Variants in ZBTB20 observed in about 807,000 individuals in gnomAD.
The protein encoded by ZBTB20 is zinc finger and BTB domain-containing protein 20.
In ZBTB20, 9 loss-of-function variants were observed where a neutral mutation model predicts 56.9. The ratio of observed to expected loss-of-function variants is 0.16; its 90% CI spans 0.10 to 0.28. ZBTB20 has a LOEUF of 0.28. Ranked by LOEUF, ZBTB20 falls within the 10% of genes least tolerant of loss-of-function variation. The pLI, the probability that ZBTB20 is intolerant of heterozygous loss-of-function variation, is 1.00. For synonymous variants in ZBTB20, 417 were observed against 420.7 expected (o/e 0.99, Z 0.11); for missense variants, 655 against 1,003.0 (o/e 0.65, Z 4.69).
intron 7 of ZBTB20, among the ~76,000 whole-genome samples, chr3:114,417,979 C>A (rs1169891505): frequency 6.6e-6 from 1 of 152,038 alleles, no homozygotes; most frequent in Admixed American, 6.6e-5. Context: ...AGAAAATAGA[C>A]AATGCAACAT....
At chr3:114,835,125 G>C (rs1053620467) in intron 4 of ZBTB20, among the ~76,000 whole-genome samples, 1 of 152,148 alleles carries the variant, frequency 6.6e-6, no homozygotes, top group African/African-American at 2.4e-5. Flanking sequence ...GGTCTCTGAA[G>C]TGACACCTAA....
intron 10 of ZBTB20, among the ~76,000 whole-genome samples, chr3:114,372,817 C>T (rs1423687290): frequency 6.6e-6 from 1 of 152,130 alleles, no homozygotes; most frequent in Non-Finnish European, 1.5e-5. Context: ...GTACTCCAGC[C>T]TGGGCAACAG....
At chr3:114,673,755 T>C (rs1198562891) in intron 6 of ZBTB20, among the ~76,000 whole-genome samples, 3 of 152,174 alleles carry the variant, frequency 2.0e-5, no homozygotes, top group Non-Finnish European at 2.9e-5. Context: ...ATCTCATCAG[T>C]GCAACATCTA....
chr3:115,044,451 T>C (rs2081265046), intron 2 of ZBTB20, among the ~76,000 whole-genome samples: 1 of 152,356 alleles, frequency 6.6e-6, no homozygotes, highest in South Asian at 2.1e-4. Context: ...TCAGTCTTAT[T>C]ACCTGGCTAA....
intron 6 of ZBTB20, among the ~76,000 whole-genome samples, chr3:114,598,416 A>G (rs200051336): frequency 6.7e-6 from 1 of 150,362 alleles, no homozygotes; most frequent in Non-Finnish European, 1.5e-5. Context: ...AAAAAAAAAA[A>G]TAGACTTAAA....
intron 3 of ZBTB20, among the ~76,000 whole-genome samples, chr3:114,904,879 C>T (rs1029663332): frequency 3.3e-5 from 5 of 151,994 alleles, no homozygotes; most frequent in South Asian, 2.1e-4. Flanking sequence ...GTTAACCCAA[C>T]GGCACAGTTG....
intron 6 of ZBTB20, among the ~76,000 whole-genome samples, chr3:114,559,388 A>C (rs1477907140): frequency 6.6e-6 from 1 of 152,208 alleles, no homozygotes; most frequent in Non-Finnish European, 1.5e-5. Context: ...ATCATATGGT[A>C]AATACGTATT....
At chr3:114,904,669 C>T (rs1302041321) in intron 3 of ZBTB20, among the ~76,000 whole-genome samples, 1 of 151,900 alleles carries the variant, frequency 6.6e-6, no homozygotes, top group Non-Finnish European at 1.5e-5. Context: ...AGAGTAAGAA[C>T]TATAAATTGT....
At chr3:114,943,458 T>G (rs921654633) in intron 3 of ZBTB20, among the ~76,000 whole-genome samples, 1 of 145,642 alleles carries the variant, frequency 6.9e-6, no homozygotes, top group African/African-American at 2.8e-5. Context: ...TTATCAGATA[T>G]AGTCTTTTAA....
intron 6 of ZBTB20, among the ~76,000 whole-genome samples, chr3:114,601,760 C>A (rs756293350): frequency 6.6e-6 from 1 of 151,724 alleles, no homozygotes; most frequent in East Asian, 1.9e-4. Context: ...GAAATCATTT[C>A]GAGCAGAATA....
intron 10 of ZBTB20, among the ~76,000 whole-genome samples, chr3:114,372,514 T>C (rs1465632098): frequency 2.6e-5 from 4 of 152,186 alleles, no homozygotes; most frequent in South Asian, 2.1e-4. Context: ...TCTGGCTCCA[T>C]GAATGAACTT....
chr3:114,990,219 G>C (rs1264416584), intron 2 of ZBTB20, among the ~76,000 whole-genome samples: 1 of 152,144 alleles, frequency 6.6e-6, no homozygotes, highest in African/African-American at 2.4e-5. Context: ...TGCCCATTCA[G>C]TATGATATTG....
At chr3:114,700,221 CTCTTT>C (rs763472038) in intron 5 of ZBTB20, among the ~76,000 whole-genome samples, 1 of 152,036 alleles carries the variant, frequency 6.6e-6, no homozygotes, top group African/African-American at 2.4e-5. Flanking sequence ...CCTTCTCTCT[CTCTTT>C]TCATCTTTTT....
intron 4 of ZBTB20, among the ~76,000 whole-genome samples, chr3:114,839,467 G>A (rs12374108): frequency 1.6e-3 from 234 of 150,354 alleles, no homozygotes; most frequent in Non-Finnish European, 2.5e-3. Flanking sequence ...AAGAAAGAAA[G>A]AGAGAGAGAA....
At chr3:114,711,724 T>C (rs1415505228) in intron 5 of ZBTB20, among the ~76,000 whole-genome samples, 1 of 152,214 alleles carries the variant, frequency 6.6e-6, no homozygotes, top group Non-Finnish European at 1.5e-5. Flanking sequence ...ACTTTTATAC[T>C]ATTTATTTTG....
At chr3:114,460,367 A>G (rs1468427408) in intron 7 of ZBTB20, among the ~76,000 whole-genome samples, 1 of 152,116 alleles carries the variant, frequency 6.6e-6, no homozygotes, top group Non-Finnish European at 1.5e-5. Context: ...GGGGTCTTGC[A>G]AATATGATTA....
chr3:114,899,329 T>A (rs1361227095), intron 4 of ZBTB20, among the ~76,000 whole-genome samples: 1 of 152,126 alleles, frequency 6.6e-6, no homozygotes, highest in African/African-American at 2.4e-5. Flanking sequence ...TGCTTTCAAA[T>A]CTGTTCAGCT....
At chr3:114,757,387 C>A (rs1165946746) in intron 5 of ZBTB20, among the ~76,000 whole-genome samples, 1 of 152,148 alleles carries the variant, frequency 6.6e-6, no homozygotes, top group African/African-American at 2.4e-5. Flanking sequence ...TAGGTGGTTG[C>A]AAAACATTTT....
intron 6 of ZBTB20, among the ~76,000 whole-genome samples, chr3:114,523,542 G>T (rs748602824): frequency 2.4e-4 from 37 of 152,172 alleles, no homozygotes; most frequent in Admixed American, 2.6e-4. Context: ...ACAGAAGAAA[G>T]ATGTGAGCTT....
Sources: allele counts gnomAD v4.1 joint callset (sites outside exome capture counted in the v4.1 genomes callset), GRCh38; gene constraint gnomAD v4.1.1; transcripts MANE v1.5; gene names NCBI Gene and HGNC (gene_info 2026-07-23, HGNC 2026-07-21).